Variants in SBK1 observed in about 807,000 individuals in gnomAD.
SBK1 encodes the protein SH3 domain binding kinase 1.
A neutral mutation model predicts 24.4 loss-of-function variants in SBK1; 11 were observed. The ratio of observed to expected loss-of-function variants is 0.45; its 90% CI spans 0.28 to 0.75. The LOEUF (loss-of-function observed/expected upper bound fraction) is 0.75. Ranked by LOEUF, SBK1 falls within the 30% of genes least tolerant of loss-of-function variation. The pLI, the probability that SBK1 is intolerant of heterozygous loss-of-function variation, is 0.12. For synonymous variants in SBK1, 308 were observed against 284.4 expected (o/e 1.08, Z -0.83); for missense variants, 467 against 620.5 (o/e 0.75, Z 2.63).
chr16:28,299,305 CAT>C (rs2141579840), intron 1 of SBK1, among the ~76,000 whole-genome samples: 2 of 152,270 alleles, frequency 1.3e-5, no homozygotes, highest in South Asian at 4.1e-4. Context: ...GTTTGTTGTT[CAT>C]ATAAGTCCTC....
At position 28,293,256 on chromosome 16, in the gene SBK1, G is replaced by A; in HGVS notation, c.-52G>A. ...GGGCCGGGCAGACGAAGACCGCGACGGCGCCCAGGCCCCCTGCCGCGGCGT... is the reference window on the plus strand; with the variant it reads ...GGGCCGGGCAGACGAAGACCGCGACAGCGCCCAGGCCCCCTGCCGCGGCGT... On this transcript the variant is annotated 5_prime_UTR_variant, in exon 1 of 4. Transcript: ENST00000341901. The A allele has an allele frequency of 4.1e-6, 4 of 985,442 alleles. No individual in the cohort carries two copies. Among genetic ancestry groups the A allele is most frequent in the Non-Finnish European group, 4.8e-6 (4 of 829,956 alleles). 61.0% of individuals were successfully genotyped at this position (985,442 alleles called of 1,614,324 possible).
chr16:28,278,249 C>T (rs983795624), intron 1 of SBK1, among the ~76,000 whole-genome samples: 3 of 152,208 alleles, frequency 2.0e-5, no homozygotes, highest in African/African-American at 7.2e-5. Flanking sequence ...CTGAGATCGA[C>T]TTTGGGGCAG....
Position 28,293,160 on chromosome 16 carries a change from G to A in SBK1, c.-148G>A. The A allele has an allele frequency of 3.0e-6, 3 of 985,624 alleles. No homozygotes were observed. Among genetic ancestry groups the A allele is most frequent in the Non-Finnish European group, 3.6e-6 (3 of 830,072 alleles). The allele number at this position is 985,624 out of a possible 1,614,324, so 61.1% of individuals were successfully genotyped here. ...GGGGATCCCCCCCCTAAAGCTCCAG[G>A]ACTTGGGCGACTGAGCCCCTGGCGG... On this transcript the variant is annotated 5_prime_UTR_variant, in exon 1 of 4. Coordinates refer to ENST00000341901, the MANE Select transcript of SBK1 (RefSeq NM_001024401.3).
intron 1 of SBK1, among the ~76,000 whole-genome samples, chr16:28,267,177 G>A (rs2044434440): frequency 6.6e-6 from 1 of 152,064 alleles, no homozygotes; most frequent in Non-Finnish European, 1.5e-5. Context: ...AAAGTGCTGG[G>A]ATTCCAGGCT....
chr16:28,303,507 C>CTTTTTTTTTTTT (rs143613970), intron 1 of SBK1, among the ~76,000 whole-genome samples: 8 of 58,076 alleles, frequency 1.4e-4, no homozygotes, highest in East Asian at 5.4e-4. Context: ...CTTTTCTTTT[C>CTTTTTTTTTTTT]TTTTTTTTTT....
Position 28,320,980 on chromosome 16 carries a change from G to T in SBK1, c.*59G>T. 7.6e-7 allele frequency: 1 copy of T among 1,318,436 alleles called. No homozygotes were observed. The highest frequency in any genetic ancestry group is 1.6e-5 in the African/African-American group (1 of 62,816). 81.7% of individuals were successfully genotyped at this position (1,318,436 alleles called of 1,614,324 possible). On this transcript the variant is annotated 3_prime_UTR_variant, in exon 4 of 4. Coordinates refer to ENST00000341901, the MANE Select transcript of SBK1 (RefSeq NM_001024401.3). The surrounding 1 kb of genome is among the most constrained non-coding windows in gnomAD (Gnocchi z 8.5). ...CCGGGCCCGCCCCGAGCCGGTGCCC[G>T]GTGCGGCGGTAGGGAATGGAGCCAC...
chr16:28,310,070 C>T (rs2044744083), intron 1 of SBK1, among the ~76,000 whole-genome samples: 1 of 152,214 alleles, frequency 6.6e-6, no homozygotes, highest in African/African-American at 2.4e-5. Flanking sequence ...ACCACGGTGG[C>T]CCTCCCAGCT....
rs1334352863 is a variant in SBK1 at position 28,259,648 on chromosome 16, C to G, written c.257+146C>G. ...CACTGCCACTTCCTGCTTCAGATCT[C>G]AGATCTCTCACCTGGTTGTTGCCAC... On this transcript the variant is annotated intron_variant, in intron 1 of 3. Coordinates refer to the SBK1 transcript ENST00000671413. The surrounding 1 kb of genome is among the most constrained non-coding windows in gnomAD (Gnocchi z 6.0). The G allele has an allele frequency of 5.1e-5, 8 of 156,884 alleles. No homozygotes were observed. Among genetic ancestry groups the G allele is most frequent in the Non-Finnish European group, 8.3e-5 (6 of 72,306 alleles). The allele number at this position is 156,884 out of a possible 1,614,324, so 9.7% of individuals were successfully genotyped here.
chr16:28,261,471 ACACACAC>A (rs1567667963), intron 1 of SBK1, among the ~76,000 whole-genome samples: 17 of 147,036 alleles, frequency 1.2e-4, no homozygotes, highest in South Asian at 4.4e-4. Context: ...ACACACACAC[ACACACAC>A]AATTAGCCAG....
At chr16:28,292,407 C>A, upstream of SBK1, 1 of 462,210 alleles carries the variant, frequency 2.2e-6, no homozygotes, top group Non-Finnish European at 2.8e-6. Context: ...GGTGAGCGCG[C>A]TTGCGCGAGG....
chr16:28,309,770 CAG>C lies in SBK1; in HGVS notation c.-7-7614_-7-7613del, dbSNP rs2044741517. On this transcript the variant is annotated intron_variant, in intron 1 of 3. Coordinates refer to ENST00000341901, the MANE Select transcript of SBK1 (RefSeq NM_001024401.3). Reference sequence around the variant, plus strand: ...AATAATAGGAAGCACCCCCCCTTCTCAGGGGTTTTGTGAGGACTCAATGAATG... The same window carrying C: ...AATAATAGGAAGCACCCCCCCTTCTCGGGTTTTGTGAGGACTCAATGAATG... Among the ~76,000 whole-genome samples the C allele has an allele frequency of 2.0e-5, 3 of 152,272 alleles. No individual in the cohort carries two copies. The South Asian group carries it at 6.2e-4, about 32-fold the overall frequency.
At chr16:28,260,172 G>A (rs145405166) in intron 1 of SBK1, among the ~76,000 whole-genome samples, 6 of 152,222 alleles carry the variant, frequency 3.9e-5, no homozygotes, top group Admixed American at 1.3e-4. Context: ...GGGGGTGACC[G>A]TGTGTGACTG....
At chr16:28,265,698 G>A (rs1234618691) in intron 1 of SBK1, among the ~76,000 whole-genome samples, 7 of 152,084 alleles carry the variant, frequency 4.6e-5, no homozygotes, top group Non-Finnish European at 1.0e-4. Flanking sequence ...ATGAAGCCTG[G>A]CACGGTGGCT....
At chr16:28,304,843 C>T (rs1192138318) in intron 1 of SBK1, among the ~76,000 whole-genome samples, 2 of 152,116 alleles carry the variant, frequency 1.3e-5, no homozygotes, top group Non-Finnish European at 2.9e-5. Flanking sequence ...CTCCTGACCT[C>T]GTGATCCGCC....
chr16:28,313,723 C>T (rs1198397078), intron 1 of SBK1, among the ~76,000 whole-genome samples: 1 of 151,942 alleles, frequency 6.6e-6, no homozygotes, highest in Non-Finnish European at 1.5e-5. Flanking sequence ...CCTTCCTCCC[C>T]AGCCAGCTGA....
chr16:28,297,499 A>G (rs1055797249), intron 1 of SBK1, among the ~76,000 whole-genome samples: 1 of 152,206 alleles, frequency 6.6e-6, no homozygotes, highest in Non-Finnish European at 1.5e-5. Context: ...AGGTCAAAGC[A>G]GATACCAGAG....
rs541671160 is a variant in SBK1, at chr16:28,265,949, ACT to A, written c.257+6450_257+6451del. Among the ~76,000 whole-genome samples the A allele has an allele frequency of 1.8e-3, 264 of 147,732 alleles. 1 individual carries two copies. Among genetic ancestry groups the A allele is most frequent in the Non-Finnish European group, 3.0e-3 (200 of 67,136 alleles). The stretch of plus-strand genomic sequence containing the variant: ...ATATTGTACCACTGCACAGAGTGAG[ACT>A]CTGTCTCAATTAAAAAAAAAAAAAA... On this transcript the variant is annotated intron_variant, in intron 1 of 3. Coordinates refer to the SBK1 transcript ENST00000671413.
chr16:28,271,508 G>T (rs1447530746), intron 1 of SBK1, among the ~76,000 whole-genome samples: 2 of 152,116 alleles, frequency 1.3e-5, no homozygotes, highest in Non-Finnish European at 2.9e-5. Context: ...AGTGAGCCAA[G>T]ATCACACCAC....
chr16:28,300,150 G>A (rs2044669082), intron 1 of SBK1, among the ~76,000 whole-genome samples: 1 of 152,218 alleles, frequency 6.6e-6, no homozygotes, highest in Non-Finnish European at 1.5e-5. Flanking sequence ...AGGACAGTTT[G>A]TTTGGTTCAC....
Sources: gnomAD v4.1 joint callset for allele counts (sites outside exome capture counted in the v4.1 genomes callset) on GRCh38, gnomAD v4.1.1 for gene constraint, Gnocchi (gnomAD v3.1) non-coding constraint, MANE v1.5 for transcripts, NCBI Gene and HGNC (gene_info 2026-07-23, HGNC 2026-07-21) for gene names.